Variants in MYO6 observed in about 807,000 individuals in gnomAD.
MYO6 encodes unconventional myosin-VI.
A neutral mutation model predicts 178.7 loss-of-function variants in MYO6; 74 were observed. The ratio of observed to expected loss-of-function variants is 0.41; its 90% CI spans 0.34 to 0.50. The LOEUF is 0.50. MYO6 is among the 20% of genes least tolerant of loss of function. MYO6 has a pLI of 0.09. For missense variants in MYO6, 1,330 were observed against 1,547.4 expected (o/e 0.86, Z 2.36); for synonymous variants, 477 against 504.6 (o/e 0.95, Z 0.73).
chr6:75,857,372 T>G, intron 13 of MYO6, 118 bp downstream of exon 13: 1 of 1,010,664 alleles, frequency 9.9e-7, no homozygotes, highest in Non-Finnish European at 1.5e-6. Flanking sequence ...TGTAATTATA[T>G]GTCCACACTC....
chr6:75,823,482 T>A (rs535711723), intron 3 of MYO6, among the ~76,000 whole-genome samples: 1 of 152,286 alleles, frequency 6.6e-6, no homozygotes, highest in African/African-American at 2.4e-5. Flanking sequence ...TGGATTTCAT[T>A]AAAGGTACTT....
chr6:75,892,769 G>A (rs1381628676), intron 28 of MYO6, 79 bp downstream of exon 28: 1 of 1,458,054 alleles, frequency 6.9e-7, no homozygotes, highest in South Asian at 1.2e-5. Context: ...CCATGCAGAA[G>A]GGAATAGGAG....
intron 1 of MYO6, among the ~76,000 whole-genome samples, chr6:75,771,884 C>T (rs1765929418): frequency 6.6e-6 from 1 of 152,050 alleles, no homozygotes; most frequent in East Asian, 1.9e-4. Flanking sequence ...ACTTTCTTGT[C>T]AGGTGTTGAG....
At chr6:75,799,690 G>T (rs1384295554) in intron 1 of MYO6, among the ~76,000 whole-genome samples, 1 of 152,018 alleles carries the variant, frequency 6.6e-6, no homozygotes, top group Non-Finnish European at 1.5e-5. Flanking sequence ...TTCAAGGAAT[G>T]AAATGAAACA....
At chr6:75,828,162 T>G (rs1772669768) in intron 3 of MYO6, among the ~76,000 whole-genome samples, 1 of 152,216 alleles carries the variant, frequency 6.6e-6, no homozygotes, top group South Asian at 2.1e-4. Context: ...ATCTGTGAAA[T>G]TCTGAGTATC....
At chr6:75,785,615 A>G (rs115513816) in intron 1 of MYO6, among the ~76,000 whole-genome samples, 2,441 of 149,584 alleles carry the variant, frequency 0.016, 63 homozygotes, top group African/African-American at 0.057. Flanking sequence ...ACGTGCTACC[A>G]CTGCCTGGCT....
intron 9 of MYO6, among the ~76,000 whole-genome samples, chr6:75,841,832 T>C (rs763885889): frequency 6.6e-6 from 1 of 152,228 alleles, no homozygotes; most frequent in Non-Finnish European, 1.5e-5. Flanking sequence ...GAATGACCAC[T>C]GTACTGAGAA....
intron 13 of MYO6, among the ~76,000 whole-genome samples, 200 bp downstream of exon 13, chr6:75,857,454 T>G (rs1775823863): frequency 1.3e-5 from 2 of 152,166 alleles, no homozygotes; most frequent in Non-Finnish European, 2.9e-5. Context: ...GGGGATTAGT[T>G]TTGATGATAC....
chr6:75,790,826 C>G (rs1202430345), intron 1 of MYO6, among the ~76,000 whole-genome samples: 1 of 152,104 alleles, frequency 6.6e-6, no homozygotes, highest in Non-Finnish European at 1.5e-5. Context: ...CTGGCATTTT[C>G]TTGTGATAAT....
chr6:75,873,283 C>G lies in MYO6; in HGVS notation c.2060C>G (p.Ser687Cys), dbSNP rs765145836. ...CACTTTGAAGGTGCTCAAATTCTGT[C>G]TCAGCTTCAGTGTTCAGGTATTTTC... ...SHHFEGAQILSQLQCSGMVSV... is the reference protein window; with the variant it reads ...SHHFEGAQILCQLQCSGMVSV... The change falls in exon 20 of 35, where the codon TCT becomes TGT. Residue 687 changes from serine to cysteine, a missense_variant. By Grantham distance (112) the Ser-to-Cys change is moderately radical. Around this residue, in one of 3 missense-constraint regions of MYO6, gnomAD observed 613 missense variants for 816.8 expected, o/e 0.75. Coordinates refer to ENST00000369977, the MANE Select transcript of MYO6 (RefSeq NM_004999.4). The G allele has an allele frequency of 1.5e-5, 25 of 1,612,998 alleles. No individual in the cohort carries two copies. Among genetic ancestry groups the G allele is most frequent in the Non-Finnish European group, 2.1e-5 (25 of 1,179,148 alleles).
intron 6 of MYO6, among the ~76,000 whole-genome samples, chr6:75,835,470 C>A (rs952299733): frequency 6.6e-6 from 1 of 152,032 alleles, no homozygotes; most frequent in Non-Finnish European, 1.5e-5. Flanking sequence ...CTCACTCTGT[C>A]GCCCAGGCTG....
intron 1 of MYO6, among the ~76,000 whole-genome samples, chr6:75,756,459 A>G (rs901126479): frequency 2.6e-5 from 4 of 152,038 alleles, no homozygotes; most frequent in African/African-American, 9.7e-5. Context: ...CAGCCTCCTG[A>G]GTAGCCGGGA....
chr6:75,796,322 A>G (rs1220535293), intron 1 of MYO6, among the ~76,000 whole-genome samples: 3 of 152,078 alleles, frequency 2.0e-5, no homozygotes, highest in Admixed American at 2.0e-4. Context: ...CTTCCACCAT[A>G]CTTTTTTCCC....
At chr6:75,863,997 TGCTAGCC>T (rs1776435264) in intron 16 of MYO6, among the ~76,000 whole-genome samples, 1 of 152,084 alleles carries the variant, frequency 6.6e-6, no homozygotes, top group Non-Finnish European at 1.5e-5. Context: ...ACAGACAATG[TGCTAGCC>T]ACACAAATGG....
rs908044793 is a variant in MYO6 at position 75,916,005 on chromosome 6, T to G, written c.*993T>G. 6.6e-6 allele frequency: 1 copy of G among 152,630 alleles called. No individual in the cohort carries two copies. The highest frequency in any genetic ancestry group is 1.5e-5 in the Non-Finnish European group (1 of 68,038). 9.5% of individuals were successfully genotyped at this position (152,630 alleles called of 1,614,324 possible). A position where few individuals can be genotyped will look rare whatever the true frequency, so the allele number is the denominator to read the frequency against. ...TAATTGTAGACCTGTTTCATAAGCT[T>G]TGTAATTCAGAAATCCTTGTATTTA... On this transcript the variant is annotated 3_prime_UTR_variant, in exon 35 of 35. Coordinates refer to ENST00000369977, the MANE Select transcript of MYO6 (RefSeq NM_004999.4).
chr6:75,843,945 A>G (rs1332444532), intron 9 of MYO6, among the ~76,000 whole-genome samples: 1 of 152,148 alleles, frequency 6.6e-6, no homozygotes, highest in Non-Finnish European at 1.5e-5. Context: ...TTGGGAATTC[A>G]TGCCATGGTA....
chr6:75,762,559 C>A (rs867387290), intron 1 of MYO6, among the ~76,000 whole-genome samples: 2 of 152,312 alleles, frequency 1.3e-5, no homozygotes, highest in East Asian at 3.9e-4. Flanking sequence ...TCTCCCTACA[C>A]AAACAGTAGT....
intron 1 of MYO6, among the ~76,000 whole-genome samples, chr6:75,764,398 C>A (rs1260945860): frequency 6.6e-6 from 1 of 152,148 alleles, no homozygotes; most frequent in Non-Finnish European, 1.5e-5. Context: ...GTGCACTTTT[C>A]TTTAGTCATT....
intron 1 of MYO6, among the ~76,000 whole-genome samples, chr6:75,813,251 GT>G (rs1562195218): frequency 6.6e-6 from 1 of 152,090 alleles, no homozygotes; most frequent in African/African-American, 2.4e-5. Context: ...CACAGATCAA[GT>G]TCTTCCCACT....
Sources: allele counts gnomAD v4.1 joint callset (sites outside exome capture counted in the v4.1 genomes callset), GRCh38; gene constraint gnomAD v4.1.1; regional missense constraint gnomAD v4.1.1; transcripts MANE v1.5; gene names NCBI Gene and HGNC (gene_info 2026-07-23, HGNC 2026-07-21).